The following PSD3 variants were observed in gnomAD, a reference collection of about 807,000 sequenced individuals.
The protein encoded by PSD3 is pleckstrin and Sec7 domain containing 3.
PSD3 carries 49 observed loss-of-function variants against 105.5 expected under a neutral mutation model. The ratio of observed to expected loss-of-function variants is 0.46; its 90% CI spans 0.37 to 0.59. The LOEUF (loss-of-function observed/expected upper bound fraction) is 0.59. Ranked by LOEUF, PSD3 falls within the 20% of genes least tolerant of loss-of-function variation. The pLI, the probability that PSD3 is intolerant of heterozygous loss-of-function variation, is 0.00. For missense variants in PSD3, 1,561 were observed against 1,263.8 expected (o/e 1.24, Z -3.57); for synonymous variants, 557 against 457.8 (o/e 1.22, Z -2.77).
chr8:18,529,785 G>A lies in PSD3; in HGVS notation c.*5958C>T, dbSNP rs1799557776. 6.6e-6 allele frequency: 1 copy of A among 152,494 alleles called. No individual in the cohort carries two copies. Among genetic ancestry groups the A allele is most frequent in the African/African-American group, 2.4e-5 (1 of 41,402 alleles). 9.4% of individuals were successfully genotyped at this position (152,494 alleles called of 1,614,324 possible). ...TTAAGGCCCAAAAATGAAACGTTTT[G>A]CTTCTCCTACTCCTTTTCTACATGA... On this transcript the variant is annotated 3_prime_UTR_variant, in exon 16 of 16. Transcript: ENST00000327040.
At chr8:18,617,262 C>G (rs547956665) in intron 11 of PSD3, among the ~76,000 whole-genome samples, 2 of 151,940 alleles carry the variant, frequency 1.3e-5, no homozygotes, top group Non-Finnish European at 2.9e-5. Context: ...CGGGCATGGT[C>G]GCTCATACCT....
chr8:18,721,671 C>T (rs960630151), intron 9 of PSD3, among the ~76,000 whole-genome samples: 4 of 152,124 alleles, frequency 2.6e-5, no homozygotes, highest in African/African-American at 4.8e-5. Context: ...CTGCATAAAC[C>T]GATGATCATT....
chr8:18,821,260 T>C (rs1812675688), intron 4 of PSD3, among the ~76,000 whole-genome samples: 2 of 152,152 alleles, frequency 1.3e-5, no homozygotes, highest in Admixed American at 6.5e-5. Context: ...AAATTCTCTC[T>C]ATTCAACGCC....
intron 4 of PSD3, among the ~76,000 whole-genome samples, chr8:18,857,488 T>A (rs1401635672): frequency 6.6e-6 from 1 of 152,166 alleles, no homozygotes; most frequent in Non-Finnish European, 1.5e-5. Flanking sequence ...CTTTTAAAGC[T>A]ATCCATGTCC....
At chr8:18,806,726 G>A (rs1811240119) in intron 4 of PSD3, among the ~76,000 whole-genome samples, 1 of 152,172 alleles carries the variant, frequency 6.6e-6, no homozygotes, top group African/African-American at 2.4e-5. Flanking sequence ...GCCCATGGAT[G>A]GGAGTTTATC....
intron 1 of PSD3, among the ~76,000 whole-genome samples, chr8:18,982,823 C>A (rs566657337): frequency 6.6e-6 from 1 of 152,312 alleles, no homozygotes; most frequent in African/African-American, 2.4e-5. Context: ...TAGAGTAGAT[C>A]TAGCATAATT....
intron 2 of PSD3, among the ~76,000 whole-genome samples, chr8:18,925,198 G>A (rs1057428684): frequency 1.3e-5 from 2 of 152,130 alleles, no homozygotes; most frequent in Non-Finnish European, 2.9e-5. Context: ...ACCTGCCGGG[G>A]CAGCACAGCC....
At chr8:18,731,142 G>A (rs939622368) in intron 9 of PSD3, among the ~76,000 whole-genome samples, 1 of 152,002 alleles carries the variant, frequency 6.6e-6, no homozygotes, top group African/African-American at 2.4e-5. Flanking sequence ...TGAAATCCCA[G>A]CTACTCGGGA....
At chr8:18,957,057 C>G (rs1285275092) in intron 1 of PSD3, among the ~76,000 whole-genome samples, 1 of 152,122 alleles carries the variant, frequency 6.6e-6, no homozygotes, top group African/African-American at 2.4e-5. Context: ...GCATCTATCA[C>G]CTCAACACAC....
chr8:18,544,530 T>C (rs1242751245), intron 15 of PSD3, among the ~76,000 whole-genome samples: 2 of 152,190 alleles, frequency 1.3e-5, no homozygotes, highest in Non-Finnish European at 2.9e-5. Context: ...TTTATTTATA[T>C]AGTTCGTGTT....
At chr8:18,769,945 A>T (rs1563245476) in intron 8 of PSD3, among the ~76,000 whole-genome samples, 1 of 152,180 alleles carries the variant, frequency 6.6e-6, no homozygotes, top group Admixed American at 6.5e-5. Context: ...ATAAATATTC[A>T]TGTATAAGTT....
chr8:18,795,751 C>G (rs1810116238), intron 8 of PSD3, among the ~76,000 whole-genome samples: 1 of 152,192 alleles, frequency 6.6e-6, no homozygotes, highest in Non-Finnish European at 1.5e-5. Flanking sequence ...TGGTAGGAAA[C>G]AGAACGCATT....
chr8:18,944,141 T>C (rs938652962), intron 1 of PSD3, among the ~76,000 whole-genome samples: 7 of 152,334 alleles, frequency 4.6e-5, no homozygotes, highest in Non-Finnish European at 1.0e-4. Context: ...CTTGGGCTTA[T>C]CTTCATGTTT....
intron 1 of PSD3, among the ~76,000 whole-genome samples, chr8:19,037,257 C>T (rs567162509): frequency 1.3e-5 from 2 of 152,330 alleles, no homozygotes; most frequent in South Asian, 4.1e-4. Context: ...CGAGAGCCAC[C>T]AGTGGGGACA....
intron 1 of PSD3, among the ~76,000 whole-genome samples, chr8:19,053,619 G>A (rs550958156): frequency 2.6e-5 from 4 of 152,008 alleles, no homozygotes; most frequent in Middle Eastern, 3.4e-3. Flanking sequence ...AGGAAACCCC[G>A]TCTCTACTAA....
chr8:18,793,802 C>A (rs556948588), intron 8 of PSD3, among the ~76,000 whole-genome samples: 22 of 152,278 alleles, frequency 1.4e-4, no homozygotes, highest in Admixed American at 9.2e-4. Context: ...GGATAGCCTG[C>A]AAATGTACTT....
chr8:18,585,371 G>A (rs1381164446), intron 12 of PSD3, among the ~76,000 whole-genome samples: 1 of 152,072 alleles, frequency 6.6e-6, no homozygotes, highest in African/African-American at 2.4e-5. Flanking sequence ...AGGCTAGAGT[G>A]CAATGACCCA....
At chr8:18,984,241 A>T (rs75985164) in intron 1 of PSD3, among the ~76,000 whole-genome samples, 16,490 of 148,860 alleles carry the variant, frequency 0.11, 1,160 homozygotes, top group Non-Finnish European at 0.16. Flanking sequence ...ACAATAAAAC[A>T]AGCTATGCCT....
intron 9 of PSD3, among the ~76,000 whole-genome samples, chr8:18,718,165 C>A (rs964677146): frequency 2.0e-5 from 3 of 152,220 alleles, no homozygotes; most frequent in African/African-American, 7.2e-5. Context: ...TACCCTGTCG[C>A]CATTTCCTAA....
Sources: gnomAD v4.1 joint callset for allele counts (sites outside exome capture counted in the v4.1 genomes callset) on GRCh38, gnomAD v4.1.1 for gene constraint, MANE v1.5 for transcripts, NCBI Gene and HGNC (gene_info 2026-07-23, HGNC 2026-07-21) for gene names.